Variants in PCDH11X observed in about 807,000 individuals in gnomAD.
PCDH11X encodes protocadherin 11 X-linked.
In PCDH11X, 18 loss-of-function variants were observed where a neutral mutation model predicts 53.3. The observed-to-expected ratio is 0.34, with a 90% CI of 0.23 to 0.50. The LOEUF (loss-of-function observed/expected upper bound fraction) is 0.50, where lower values mean the gene tolerates loss of function less well. PCDH11X is among the 20% of genes least tolerant of loss of function. The pLI is 0.98. For synonymous variants in PCDH11X, 279 were observed against 393.3 expected (o/e 0.71, Z 3.44); for missense variants, 570 against 1,032.4 (o/e 0.55, Z 6.14).
chrX:92,401,378 G>A (rs1391903565), intron 9 of PCDH11X, among the ~76,000 whole-genome samples: 3 of 111,120 alleles, frequency 2.7e-5, no homozygotes, highest in African/African-American at 6.5e-5. Flanking sequence ...AAATCGTCAC[G>A]GAAGTAAAAC....
chrX:92,577,477 A>T (rs1387390455), intron 10 of PCDH11X, among the ~76,000 whole-genome samples: 9 of 109,007 alleles, frequency 8.3e-5, no homozygotes, highest in Non-Finnish European at 1.7e-4. Flanking sequence ...TATTTTATTA[A>T]TTTTTTTCAA....
intron 5 of PCDH11X, among the ~76,000 whole-genome samples, chrX:91,840,246 T>A (rs1450450535): frequency 8.9e-6 from 1 of 111,981 alleles, no homozygotes; most frequent in South Asian, 3.7e-4. Context: ...TTCCCTGGCA[T>A]ATATCAACAG....
At chrX:92,144,530 G>C (rs1603041294) in intron 6 of PCDH11X, among the ~76,000 whole-genome samples, 1 of 111,571 alleles carries the variant, frequency 9.0e-6, no homozygotes, top group Admixed American at 9.6e-5. Flanking sequence ...CATGTAAGAA[G>C]TGTCTCTCGC....
At chrX:92,294,425 T>G (rs1202707652) in intron 8 of PCDH11X, among the ~76,000 whole-genome samples, 3 of 112,176 alleles carry the variant, frequency 2.7e-5, no homozygotes, top group African/African-American at 6.5e-5. Flanking sequence ...TTACAGGCTG[T>G]GAGCCACTGT....
chrX:92,596,902 C>T (rs1034829329), intron 10 of PCDH11X, among the ~76,000 whole-genome samples: 3 of 108,878 alleles, frequency 2.8e-5, no homozygotes, highest in African/African-American at 1.0e-4. Context: ...AAGGATGGTT[C>T]AGCATAAGCA....
chrX:92,107,703 C>T (rs1344353210), intron 6 of PCDH11X, among the ~76,000 whole-genome samples: 1 of 112,248 alleles, frequency 8.9e-6, no homozygotes, highest in Non-Finnish European at 1.9e-5. Context: ...TGAACCAAAA[C>T]AATGTATTTC....
intron 8 of PCDH11X, among the ~76,000 whole-genome samples, chrX:92,291,726 G>A (rs1003921560): frequency 1.9e-5 from 2 of 107,958 alleles, no homozygotes; most frequent in African/African-American, 3.4e-5. Context: ...GAAACAGAGT[G>A]TTTATATACT....
chrX:92,259,816 A>G (rs62598503), intron 7 of PCDH11X, among the ~76,000 whole-genome samples: 13,223 of 110,594 alleles, frequency 0.12, 1,219 homozygotes, highest in African/African-American at 0.31. Flanking sequence ...GGTGATAAAA[A>G]CTGCCAGGAT....
intron 10 of PCDH11X, among the ~76,000 whole-genome samples, chrX:92,577,337 G>A (rs1877416748): frequency 9.2e-6 from 1 of 108,857 alleles, no homozygotes; most frequent in African/African-American, 3.3e-5. Context: ...GTGCATAGAG[G>A]TGTTTATAGT....
chrX:92,132,990 C>A (rs1161832546), intron 6 of PCDH11X, among the ~76,000 whole-genome samples: 1 of 110,280 alleles, frequency 9.1e-6, no homozygotes, highest in East Asian at 2.8e-4. Context: ...ACACCAAATT[C>A]AATATTCATG....
intron 6 of PCDH11X, among the ~76,000 whole-genome samples, chrX:92,082,406 C>T: frequency 9.0e-6 from 1 of 110,648 alleles, no homozygotes; most frequent in East Asian, 2.8e-4. Flanking sequence ...GTCTGAATGT[C>T]ACCGAAATGA....
chrX:91,849,602 A>T (rs1304120230), intron 5 of PCDH11X, among the ~76,000 whole-genome samples: 4 of 109,450 alleles, frequency 3.7e-5, no homozygotes, highest in Non-Finnish European at 7.6e-5. Flanking sequence ...AAAAATCCGT[A>T]TTTACCAAAT....
At chrX:92,389,256 A>C (rs751863724) in intron 9 of PCDH11X, among the ~76,000 whole-genome samples, 1 of 110,907 alleles carries the variant, frequency 9.0e-6, no homozygotes, top group Non-Finnish European at 1.9e-5. Context: ...GTACAGCAAA[A>C]TGACTCCTGG....
intron 8 of PCDH11X, among the ~76,000 whole-genome samples, chrX:92,373,796 G>A (rs976338735): frequency 9.0e-6 from 1 of 111,638 alleles, no homozygotes; most frequent in Non-Finnish European, 1.9e-5. Context: ...ACATATTTTA[G>A]TGTAAAACTA....
chrX:91,808,354 G>A (rs1488932413), intron 1 of PCDH11X, among the ~76,000 whole-genome samples: 3 of 109,165 alleles, frequency 2.7e-5, no homozygotes, highest in African/African-American at 6.7e-5. Context: ...AATTAGCTGG[G>A]CATGGTGACG....
At chrX:92,436,299 G>A (rs2072372664) in intron 9 of PCDH11X, among the ~76,000 whole-genome samples, 1 of 109,742 alleles carries the variant, frequency 9.1e-6, no homozygotes, top group South Asian at 3.9e-4. Flanking sequence ...AGTCAAAATG[G>A]CTTTTATTAA....
chrX:92,434,943 G>A (rs1273048404), intron 9 of PCDH11X, among the ~76,000 whole-genome samples: 1 of 110,489 alleles, frequency 9.1e-6, no homozygotes, highest in Non-Finnish European at 1.9e-5. Context: ...TAACTCAAAT[G>A]GCCAGTGTCA....
rs562025092 is a variant in PCDH11X, at chrX:92,033,506, C to T, written c.3033+154233C>T. On this transcript the variant is annotated intron_variant, in intron 6 of 10. Coordinates refer to ENST00000682573, the MANE Select transcript of PCDH11X (RefSeq NM_032968.5). ...GTGTCTATGAATTAATTTGTTTCTT[C>T]TAGGTTTTCCAATTTATAGACACAG... Among the ~76,000 whole-genome samples the T allele has an allele frequency of 3.7e-5, 4 of 109,031 alleles. No individual in the cohort carries two copies. In the South Asian group the frequency reaches 1.6e-3, roughly 43 times the overall value. 94.7% of individuals were successfully genotyped at this position (109,031 alleles called of 115,157 possible). A position where few individuals can be genotyped will look rare whatever the true frequency, so the allele number is the denominator to read the frequency against.
At chrX:92,020,174 G>A (rs1424620440) in intron 6 of PCDH11X, among the ~76,000 whole-genome samples, 3 of 112,712 alleles carry the variant, frequency 2.7e-5, no homozygotes, top group Non-Finnish European at 5.6e-5. Flanking sequence ...AAGCCTGCCA[G>A]TCTTCCCGTG....
Sources: gnomAD v4.1 joint callset for allele counts (sites outside exome capture counted in the v4.1 genomes callset) on GRCh38, gnomAD v4.1.1 for gene constraint, MANE v1.5 for transcripts, NCBI Gene and HGNC (gene_info 2026-07-23, HGNC 2026-07-21) for gene names.